Variants in GRXCR1 observed in about 807,000 individuals in gnomAD.
GRXCR1 encodes the protein glutaredoxin domain-containing cysteine-rich protein 1.
A neutral mutation model predicts 27.3 loss-of-function variants in GRXCR1; 27 were observed. That is an observed-to-expected ratio of 0.99 (90% CI 0.73 to 1.37). GRXCR1 has a LOEUF of 1.37. GRXCR1 is among the 40% of genes most tolerant of loss of function. The pLI is 0.00. For synonymous variants in GRXCR1, 122 were observed against 131.1 expected (o/e 0.93, Z 0.47); for missense variants, 379 against 354.4 (o/e 1.07, Z -0.56).
intron 1 of GRXCR1, among the ~76,000 whole-genome samples, chr4:42,949,197 T>TAC (rs200113100): frequency 9.3e-5 from 14 of 150,622 alleles, no homozygotes; most frequent in East Asian, 2.0e-4. Context: ...CCACTAAAAA[T>TAC]ACACACACAC....
In GRXCR1 at chr4:43,030,213, A is replaced by T. The variant is rs1032493467; in HGVS notation, c.694-148A>T. Reference sequence around the variant, plus strand: ...AATTACTTTCCTGGGTGTAATGTGTATTAATGGTAGGTGAATTCAAGTGTA... The same window carrying T: ...AATTACTTTCCTGGGTGTAATGTGTTTTAATGGTAGGTGAATTCAAGTGTA... On this transcript the variant is annotated intron_variant, in intron 3 of 3. Coordinates refer to ENST00000399770, the MANE Select transcript of GRXCR1 (RefSeq NM_001080476.3). The T allele has an allele frequency of 3.4e-5, 24 of 705,664 alleles. No homozygotes were observed. The African/African-American group carries it at 4.0e-4, about 12-fold the overall frequency. The allele number at this position is 705,664 out of a possible 1,614,324, so 43.7% of individuals were successfully genotyped here.
At chr4:42,974,584 T>C (rs1748465250) in intron 2 of GRXCR1, among the ~76,000 whole-genome samples, 2 of 152,102 alleles carry the variant, frequency 1.3e-5, no homozygotes, top group African/African-American at 4.8e-5. Flanking sequence ...TCCTGATTAA[T>C]TTTATGAAGT....
chr4:42,924,834 A>AG (rs1747117564), intron 1 of GRXCR1, among the ~76,000 whole-genome samples: 1 of 152,074 alleles, frequency 6.6e-6, no homozygotes, highest in African/African-American at 2.4e-5. Flanking sequence ...TGGGGGTAAC[A>AG]GGTAAGGGCA....
At chr4:42,959,387 CA>C (rs961528256) in intron 1 of GRXCR1, among the ~76,000 whole-genome samples, 1 of 151,226 alleles carries the variant, frequency 6.6e-6, no homozygotes, top group Non-Finnish European at 1.5e-5. Context: ...AAAGCAATCT[CA>C]AATACATAGG....
intron 2 of GRXCR1, among the ~76,000 whole-genome samples, chr4:42,985,782 A>G (rs2109787823): frequency 6.6e-6 from 1 of 152,306 alleles, no homozygotes; most frequent in Admixed American, 6.5e-5. Flanking sequence ...GGGAGAGCCA[A>G]TTTTAAATTG....
intron 1 of GRXCR1, among the ~76,000 whole-genome samples, chr4:42,953,221 C>T (rs1476073326): frequency 6.6e-6 from 1 of 152,160 alleles, no homozygotes; most frequent in Non-Finnish European, 1.5e-5. Context: ...CTTTGCCATT[C>T]CTCTATCAAG....
intron 1 of GRXCR1, among the ~76,000 whole-genome samples, chr4:42,934,293 G>A (rs545367013): frequency 6.6e-6 from 1 of 150,996 alleles, no homozygotes; most frequent in Non-Finnish European, 1.5e-5. Flanking sequence ...CATATCCGAA[G>A]TACTGTTTGA....
chr4:43,023,761 A>G (rs1175883498), intron 3 of GRXCR1, among the ~76,000 whole-genome samples: 1 of 152,252 alleles, frequency 6.6e-6, no homozygotes, highest in African/African-American at 2.4e-5. Flanking sequence ...GAGGGAATAA[A>G]TAAATGACTT....
Position 42,975,049 on chromosome 4 carries a change from C to A in GRXCR1, c.627+11915C>A, listed in dbSNP as rs533254262. On this transcript the variant is annotated intron_variant, in intron 2 of 3. Coordinates refer to ENST00000399770, the MANE Select transcript of GRXCR1 (RefSeq NM_001080476.3). ...TACCTGCCCTGGGTCCATCCTGTACCTCAGTGGGACTCCTATGGCCAAGGG... is the reference window on the plus strand; with the variant it reads ...TACCTGCCCTGGGTCCATCCTGTACATCAGTGGGACTCCTATGGCCAAGGG... Among the ~76,000 whole-genome samples the A allele has an allele frequency of 4.6e-5, 7 of 152,196 alleles. No homozygotes were observed. In the South Asian group the frequency reaches 1.2e-3, roughly 27 times the overall value.
intron 1 of GRXCR1, 84 bp downstream of exon 1, chr4:42,893,734 C>A (rs535122600): frequency 6.7e-6 from 9 of 1,352,504 alleles, no homozygotes; most frequent in Middle Eastern, 1.8e-4. Flanking sequence ...TAAAGCAAGC[C>A]TCTCTTATTT....
intron 2 of GRXCR1, among the ~76,000 whole-genome samples, chr4:43,011,166 C>A (rs953049218): frequency 1.3e-5 from 2 of 152,152 alleles, no homozygotes; most frequent in African/African-American, 4.8e-5. Context: ...AAGCAGGGAT[C>A]GACCACAAAA....
chr4:42,967,426 A>G (rs1472223965), intron 2 of GRXCR1, among the ~76,000 whole-genome samples: 2 of 151,988 alleles, frequency 1.3e-5, no homozygotes, highest in Non-Finnish European at 2.9e-5. Flanking sequence ...CCATTTATCT[A>G]TTCTTTTACT....
chr4:42,896,039 G>T (rs1278717225), intron 1 of GRXCR1, among the ~76,000 whole-genome samples: 2 of 152,088 alleles, frequency 1.3e-5, no homozygotes, highest in African/African-American at 4.8e-5. Flanking sequence ...AACTGTGATT[G>T]AAGAAACAGT....
intron 3 of GRXCR1, among the ~76,000 whole-genome samples, chr4:43,025,975 C>CA (rs373672727): frequency 0.2 from 18,238 of 89,482 alleles, 1,587 homozygotes; most frequent in East Asian, 0.44. Context: ...AACTCCGTCT[C>CA]AAAAAAAAAA....
At chr4:42,915,572 G>T (rs1746867026) in intron 1 of GRXCR1, among the ~76,000 whole-genome samples, 1 of 152,082 alleles carries the variant, frequency 6.6e-6, no homozygotes, top group Non-Finnish European at 1.5e-5. Flanking sequence ...GTATGTCTCA[G>T]ATCCTGTTAC....
intron 2 of GRXCR1, among the ~76,000 whole-genome samples, chr4:43,013,805 A>C (rs1712842784): frequency 6.6e-6 from 1 of 152,190 alleles, no homozygotes; most frequent in Non-Finnish European, 1.5e-5. Context: ...TATTACTTTT[A>C]TATAATTTGA....
At chr4:42,992,600 A>G (rs566547676) in intron 2 of GRXCR1, among the ~76,000 whole-genome samples, 1 of 152,170 alleles carries the variant, frequency 6.6e-6, no homozygotes, top group South Asian at 2.1e-4. Context: ...ATTATATTTC[A>G]TATACTTAGA....
chr4:42,988,617 T>A (rs1711856778), intron 2 of GRXCR1, among the ~76,000 whole-genome samples: 1 of 152,194 alleles, frequency 6.6e-6, no homozygotes, highest in Admixed American at 6.5e-5. Context: ...CTTGGTGAAT[T>A]TTCTTTAACT....
chr4:42,971,190 C>T (rs953989394), intron 2 of GRXCR1, among the ~76,000 whole-genome samples: 1 of 152,262 alleles, frequency 6.6e-6, no homozygotes, highest in Middle Eastern at 3.4e-3. Flanking sequence ...TCACTATCAA[C>T]ATTTTGGTCA....
Sources: allele counts gnomAD v4.1 joint callset (sites outside exome capture counted in the v4.1 genomes callset), GRCh38; gene constraint gnomAD v4.1.1; transcripts MANE v1.5; gene names NCBI Gene and HGNC (gene_info 2026-07-23, HGNC 2026-07-21).